MYH15: variants seen among roughly 807,000 people sequenced by gnomAD.
MYH15 encodes myosin-15.
A neutral mutation model predicts 240.5 loss-of-function variants in MYH15; 227 were observed. The ratio of observed to expected loss-of-function variants is 0.94; its 90% CI spans 0.85 to 1.05. The LOEUF (loss-of-function observed/expected upper bound fraction) is 1.05, where lower values mean the gene tolerates loss of function less well. MYH15 is among the 50% of genes least tolerant of loss of function. The pLI is 0.00. For synonymous variants in MYH15, 785 were observed against 796.7 expected (o/e 0.99, Z 0.25); for missense variants, 2,217 against 2,247.5 (o/e 0.99, Z 0.27).
chr3:108,395,657 AAG>A (rs909116311), intron 35 of MYH15, among the ~76,000 whole-genome samples: 13 of 147,482 alleles, frequency 8.8e-5, no homozygotes, highest in African/African-American at 3.3e-4. Context: ...TTTTAGGAGA[AAG>A]GGAGTTAGGA....
intron 21 of MYH15, among the ~76,000 whole-genome samples, chr3:108,448,536 T>G (rs1001148697): frequency 2.0e-4 from 31 of 152,050 alleles, no homozygotes; most frequent in Non-Finnish European, 4.3e-4. Context: ...AATGTGTCAG[T>G]TCATCAAGAT....
At chr3:108,422,220 C>CTTT (rs35897568) in intron 27 of MYH15, among the ~76,000 whole-genome samples, 10 of 122,936 alleles carry the variant, frequency 8.1e-5, no homozygotes, top group African/African-American at 2.9e-4. Flanking sequence ...TTTTTATTAT[C>CTTT]TTTTTTTTTT....
the MYH15 span, among the ~76,000 whole-genome samples, chr3:108,538,543 GGAA>G: frequency 6.6e-6 from 1 of 152,198 alleles, no homozygotes; most frequent in Admixed American, 6.5e-5. Flanking sequence ...TTCAAGATTG[GGAA>G]GAAGATAAAA....
chr3:108,475,938 C>A (rs989375812), intron 12 of MYH15, among the ~76,000 whole-genome samples: 11 of 152,180 alleles, frequency 7.2e-5, no homozygotes, highest in African/African-American at 2.7e-4. Flanking sequence ...TTTCAACACA[C>A]ACCTCCTTTC....
chr3:108,429,034 T>C (rs149005056), intron 26 of MYH15, among the ~76,000 whole-genome samples, 153 bp from the exon 27 acceptor site: 1 of 152,174 alleles, frequency 6.6e-6, no homozygotes, highest in Non-Finnish European at 1.5e-5. Context: ...TTTGCCCCAA[T>C]TCAGTACCAA....
chr3:108,416,906 T>C lies in MYH15; in HGVS notation c.3854A>G (p.Glu1285Gly). Residue 1285 changes from glutamate (E) to glycine (G), a missense_variant, in exon 29 of 41, where the codon GAG becomes GGG. Physicochemically the swap from Glu to Gly is moderately conservative, Grantham distance 98. Transcript: ENST00000693548. ...ESGEFLRRLE[E>G]KEALINQLSR... ...AAGTTGGTTTATCAGAGCCTCCTTC[T>C]CTTCAAGCCTCCGTAGGAACTCGCC... 6.2e-7 allele frequency: 1 copy of C among 1,613,876 alleles called. No individual in the cohort carries two copies. Among genetic ancestry groups the C allele is most frequent in the Non-Finnish European group, 8.5e-7 (1 of 1,179,822 alleles).
upstream of MYH15, among the ~76,000 whole-genome samples, chr3:108,531,059 A>T (rs929210659): frequency 5.9e-5 from 9 of 152,140 alleles, no homozygotes; most frequent in African/African-American, 2.2e-4. Context: ...TTTCAGCAAA[A>T]TTTGGCTTAA....
chr3:108,380,585 A>G lies in MYH15; in HGVS notation c.*960T>C, dbSNP rs975919859. ...CTGCAATGCTGTGTGTGATCTCAGG[A>G]AAAGCTGATGCTGGTTGCCATGGAG... On this transcript the variant is annotated 3_prime_UTR_variant, in exon 41 of 41. Coordinates refer to ENST00000693548, the MANE Select transcript of MYH15 (RefSeq NM_014981.3). The G allele has an allele frequency of 1.4e-4, 21 of 152,386 alleles. No homozygotes were observed. The highest frequency in any genetic ancestry group is 3.8e-4 in the African/African-American group (16 of 41,562). 9.4% of individuals were successfully genotyped at this position (152,386 alleles called of 1,614,324 possible). A position where few individuals can be genotyped will look rare whatever the true frequency, so the allele number is the denominator to read the frequency against.
At chr3:108,391,590 C>G (rs1038307569) in intron 37 of MYH15, among the ~76,000 whole-genome samples, 170 bp downstream of exon 37, 8 of 152,146 alleles carry the variant, frequency 5.3e-5, no homozygotes, top group African/African-American at 1.9e-4. Flanking sequence ...CAAAGTCAAG[C>G]AAAGAATGAA....
intron 31 of MYH15, among the ~76,000 whole-genome samples, chr3:108,408,862 A>G (rs2082566283): frequency 6.6e-6 from 1 of 152,232 alleles, no homozygotes; most frequent in African/African-American, 2.4e-5. Flanking sequence ...CCAGCATTCA[A>G]GGCATGGCCC....
At chr3:108,502,262 A>C (rs1465433887) in intron 2 of MYH15, among the ~76,000 whole-genome samples, 1 of 152,176 alleles carries the variant, frequency 6.6e-6, no homozygotes, top group South Asian at 2.1e-4. Context: ...GGCAGACCTT[A>C]TCCTTCCAGA....
rs746741042 is a variant in MYH15, at chr3:108,486,448, T to C, written c.950A>G (p.Asp317Gly). 65 of 1,611,620 alleles carry C rather than the reference T, an allele frequency of 4.0e-5. No individual in the cohort carries two copies. The Middle Eastern group carries it at 4.1e-3, about 102-fold the overall frequency. ...CGAVTVESLD[D>G]AEELLATEQA... ...TTCTGTGGCCAGCAATTCTTCAGCA[T>C]CATCCAAGCTCTCCACAGTAACTGC... Residue 317 changes from aspartate to glycine, a missense_variant, in exon 10 of 41, where the codon GAT (aspartate) becomes GGT (glycine). Coordinates refer to ENST00000693548, the MANE Select transcript of MYH15 (RefSeq NM_014981.3).
intron 16 of MYH15, among the ~76,000 whole-genome samples, chr3:108,462,530 A>T (rs1173136967): frequency 1.3e-5 from 2 of 152,148 alleles, no homozygotes; most frequent in East Asian, 3.9e-4. Flanking sequence ...AACATTCTGT[A>T]TATATCTTAA....
At chr3:108,430,531 C>T (rs999233827) in intron 26 of MYH15, among the ~76,000 whole-genome samples, 4 of 152,190 alleles carry the variant, frequency 2.6e-5, no homozygotes, top group African/African-American at 4.8e-5. Flanking sequence ...GTAATATGAG[C>T]TCAATCGTTG....
At chr3:108,506,132 ACC>A (rs1392745643) in intron 1 of MYH15, among the ~76,000 whole-genome samples, 4 of 151,754 alleles carry the variant, frequency 2.6e-5, no homozygotes, top group Admixed American at 2.6e-4. Context: ...CTCCACTCAC[ACC>A]CCAGGACTTT....
chr3:108,416,733 A>G (rs2082635942), intron 29 of MYH15, 79 bp downstream of exon 29: 2 of 1,166,400 alleles, frequency 1.7e-6, no homozygotes, highest in Non-Finnish European at 2.5e-6. Flanking sequence ...AAACATCTTC[A>G]GGCTGATTCA....
At chr3:108,398,577 G>A (rs1576208140) in intron 35 of MYH15, 60 bp downstream of exon 35, 2 of 1,558,384 alleles carry the variant, frequency 1.3e-6, no homozygotes, top group South Asian at 1.1e-5. Flanking sequence ...CGCCCCAAGT[G>A]TGGGAACCAC....
At chr3:108,479,199 A>G (rs937115158) in intron 11 of MYH15, among the ~76,000 whole-genome samples, 4 of 152,220 alleles carry the variant, frequency 2.6e-5, no homozygotes, top group African/African-American at 4.8e-5. Flanking sequence ...ACATATTTTA[A>G]TCATATTCCC....
At chr3:108,411,370 ACT>A (rs920066784) in intron 30 of MYH15, among the ~76,000 whole-genome samples, 1 of 151,656 alleles carries the variant, frequency 6.6e-6, no homozygotes, top group African/African-American at 2.4e-5. Context: ...TCTAAAGAAC[ACT>A]CTCTTGCTTT....
Sources: allele counts gnomAD v4.1 joint callset (sites outside exome capture counted in the v4.1 genomes callset), GRCh38; gene constraint gnomAD v4.1.1; transcripts MANE v1.5; gene names NCBI Gene and HGNC (gene_info 2026-07-23, HGNC 2026-07-21).